The following ANTXR2 variants were observed in gnomAD, a reference collection of about 807,000 sequenced individuals.
ANTXR2 encodes anthrax toxin receptor 2.
A neutral mutation model predicts 73.7 loss-of-function variants in ANTXR2; 44 were observed. The ratio of observed to expected loss-of-function variants is 0.60; its 90% CI spans 0.47 to 0.77. The LOEUF is 0.77. ANTXR2 is among the 30% of genes least tolerant of loss of function. The probability of loss-of-function intolerance (pLI) is 0.00; values close to 1 mark genes in which losing one functional copy is unlikely to be tolerated. For synonymous variants in ANTXR2, 217 were observed against 205.9 expected, an observed-to-expected ratio of 1.05 and a Z score of -0.46; for missense variants, 604 against 592.5, an observed-to-expected ratio of 1.02 and a Z score of -0.20.
intron 16 of ANTXR2, among the ~76,000 whole-genome samples, chr4:79,914,927 T>A (rs28514728): frequency 0.57 from 87,230 of 152,028 alleles, 25,356 homozygotes; most frequent in Non-Finnish European, 0.61. Context: ...TATTACACAC[T>A]TTTCTTCTGT....
At position 80,072,510 on chromosome 4, in the gene ANTXR2, G is replaced by T. The variant is rs956630751; in HGVS notation, c.51C>A (p.Pro17=). The change falls in exon 1 of 17, where the codon CCC becomes CCA. Residue 17 remains proline, a synonymous_variant. Coordinates refer to ENST00000403729, the MANE Select transcript of ANTXR2 (RefSeq NM_058172.6). The part of the protein sequence containing the change: ...PARSPGSWLF[P]GLWLLVLSGP... Reference sequence around the variant, plus strand: ...CGCTGAGCACCAACAGCCACAGCCCGGGGAACAGCCAGCTCCCGGGGCTGC... The same window carrying T: ...CGCTGAGCACCAACAGCCACAGCCCTGGGAACAGCCAGCTCCCGGGGCTGC... 6.2e-7 allele frequency: 1 copy of T among 1,604,432 alleles called. No homozygotes were observed. The highest frequency in any genetic ancestry group is 8.5e-7 in the Non-Finnish European group (1 of 1,176,198).
At chr4:79,926,582 A>G (rs2109952873) in intron 16 of ANTXR2, among the ~76,000 whole-genome samples, 1 of 152,314 alleles carries the variant, frequency 6.6e-6, no homozygotes, top group African/African-American at 2.4e-5. Flanking sequence ...ATTTCATCAA[A>G]TATGGAAACA....
At chr4:80,028,851 G>C (rs1192453219) in intron 10 of ANTXR2, among the ~76,000 whole-genome samples, 1 of 152,050 alleles carries the variant, frequency 6.6e-6, no homozygotes, top group East Asian at 1.9e-4. Flanking sequence ...AAAATTCAAG[G>C]CACAGGAAAG....
intron 12 of ANTXR2, among the ~76,000 whole-genome samples, chr4:79,990,392 A>AAAAC (rs756390434): frequency 8.0e-5 from 12 of 150,572 alleles, no homozygotes; most frequent in Non-Finnish European, 1.0e-4. Flanking sequence ...ACAAAAAAAA[A>AAAAC]AAAAAAAAAA....
At chr4:80,057,864 C>CTCTGTACTTCATTATAATG (rs1166685996) in intron 3 of ANTXR2, among the ~76,000 whole-genome samples, 1 of 151,684 alleles carries the variant, frequency 6.6e-6, no homozygotes, top group Admixed American at 6.6e-5. Flanking sequence ...ATGTCATTTG[C>CTCTGTACTTCATTATAATG]AAAGTAAGTG....
In ANTXR2 at chr4:80,072,859, C is replaced by G. The variant is rs756607742; in HGVS notation, c.-299G>C. 9 of 486,230 alleles carry G rather than the reference C, an allele frequency of 1.9e-5. No individual in the cohort carries two copies. The highest frequency in any genetic ancestry group is 2.7e-5 in the Non-Finnish European group (9 of 328,512). The allele number at this position is 486,230 out of a possible 1,614,324, so 30.1% of individuals were successfully genotyped here. ...TTCCGGAGAGTTCCTGCAGACAATGCGGGCCCACGGCGACAGCTCGCGAAA... is the reference window on the plus strand; with the variant it reads ...TTCCGGAGAGTTCCTGCAGACAATGGGGGCCCACGGCGACAGCTCGCGAAA... On this transcript the variant is annotated 5_prime_UTR_variant, in exon 1 of 17. Transcript: ENST00000403729.
chr4:79,981,855 C>A (rs183755285), intron 14 of ANTXR2, among the ~76,000 whole-genome samples: 1 of 152,068 alleles, frequency 6.6e-6, no homozygotes, highest in East Asian at 1.9e-4. Flanking sequence ...AAGTTGGCTG[C>A]GGTTTTTCGT....
intron 14 of ANTXR2, among the ~76,000 whole-genome samples, chr4:79,981,626 G>A (rs568405264): frequency 3.8e-4 from 58 of 151,964 alleles, no homozygotes; most frequent in Non-Finnish European, 6.8e-4. Context: ...ATGTGCAAAT[G>A]TCCTGAAATC....
chr4:80,043,697 T>C (rs1277907804), intron 7 of ANTXR2, among the ~76,000 whole-genome samples: 1 of 151,954 alleles, frequency 6.6e-6, no homozygotes, highest in African/African-American at 2.4e-5. Context: ...TCCCTCTGGG[T>C]TTGTTTTCAG....
At chr4:80,055,083 T>G in intron 6 of ANTXR2, 67 bp downstream of exon 6, 1 of 1,404,344 alleles carries the variant, frequency 7.1e-7, no homozygotes, top group Non-Finnish European at 9.8e-7. Flanking sequence ...GTGAAAAGAA[T>G]TTGTTAAACT....
chr4:79,956,028 G>T (rs1034047957), intron 16 of ANTXR2, among the ~76,000 whole-genome samples: 4 of 152,150 alleles, frequency 2.6e-5, no homozygotes, highest in African/African-American at 4.8e-5. Context: ...CTCTTGGAGA[G>T]AACTGAAGTA....
intron 1 of ANTXR2, among the ~76,000 whole-genome samples, chr4:80,072,080 G>C (rs906145557): frequency 6.6e-6 from 1 of 152,160 alleles, no homozygotes; most frequent in Non-Finnish European, 1.5e-5. Flanking sequence ...GGGTCGAGGA[G>C]GTGGGTAAGG....
rs892444391 is a variant in ANTXR2, at chr4:79,954,207, C to T, written c.1428+23414G>A. 2.6e-5 allele frequency among the ~76,000 whole-genome samples: 4 copies of T among 152,214 alleles called. No individual in the cohort carries two copies. In the East Asian group the frequency reaches 5.8e-4, roughly 22 times the overall value. On this transcript the variant is annotated intron_variant, in intron 16 of 16. Coordinates refer to ENST00000403729, the MANE Select transcript of ANTXR2 (RefSeq NM_058172.6). ...TTTGAGACAAGGTCTTGCTCTGTTGCCCAGGCTGAAGTGCAGGGTCACTGC... is the reference window on the plus strand; with the variant it reads ...TTTGAGACAAGGTCTTGCTCTGTTGTCCAGGCTGAAGTGCAGGGTCACTGC...
At chr4:79,917,318 A>G (rs989893879) in intron 16 of ANTXR2, among the ~76,000 whole-genome samples, 6 of 149,658 alleles carry the variant, frequency 4.0e-5, no homozygotes, top group Non-Finnish European at 7.5e-5. Flanking sequence ...AAGAGGAAAG[A>G]AAAAAAAATA....
intron 14 of ANTXR2, among the ~76,000 whole-genome samples, 175 bp from the exon 15 acceptor site, chr4:79,978,349 C>T (rs1465248491): frequency 2.7e-5 from 4 of 146,232 alleles, no homozygotes; most frequent in African/African-American, 1.0e-4. Flanking sequence ...CCACTCCTGA[C>T]TGTATTTAAT....
intron 7 of ANTXR2, among the ~76,000 whole-genome samples, chr4:80,037,228 C>T (rs1733020490): frequency 1.3e-5 from 2 of 152,164 alleles, no homozygotes; most frequent in Admixed American, 6.5e-5. Flanking sequence ...AGATTATTTA[C>T]AGCAGTTTCT....
intron 16 of ANTXR2, among the ~76,000 whole-genome samples, chr4:79,964,479 T>C (rs1729271756): frequency 6.6e-6 from 1 of 152,164 alleles, no homozygotes; most frequent in Admixed American, 6.5e-5. Flanking sequence ...TGTGGAGACT[T>C]CGATCTGTAC....
chr4:80,014,634 AG>A (rs1191656696), intron 11 of ANTXR2, among the ~76,000 whole-genome samples: 2 of 152,174 alleles, frequency 1.3e-5, no homozygotes, highest in Non-Finnish European at 2.9e-5. Flanking sequence ...CCTTTTGAAA[AG>A]CATTTAAATC....
chr4:80,058,383 A>C, intron 3 of ANTXR2, among the ~76,000 whole-genome samples: 1 of 152,008 alleles, frequency 6.6e-6, no homozygotes, highest in Admixed American at 6.6e-5. Context: ...CAGCTGCATG[A>C]TCCTAAGAGG....
Sources: allele counts gnomAD v4.1 joint callset (sites outside exome capture counted in the v4.1 genomes callset), GRCh38; gene constraint gnomAD v4.1.1; transcripts MANE v1.5; gene names NCBI Gene and HGNC (gene_info 2026-07-23, HGNC 2026-07-21).